Variants in TMEM108 observed in about 807,000 individuals in gnomAD.
TMEM108 encodes the protein cancer/testis antigen 124.
A neutral mutation model predicts 35.1 loss-of-function variants in TMEM108; 12 were observed. The ratio of observed to expected loss-of-function variants is 0.34; its 90% CI spans 0.22 to 0.55. The LOEUF is 0.55. Among genes scored for constraint, TMEM108 ranks in the 20% least tolerant of loss-of-function variants. TMEM108 has a pLI of 0.89. For missense variants in TMEM108, 680 were observed against 753.3 expected (o/e 0.90, Z 1.14); for synonymous variants, 287 against 308.6 (o/e 0.93, Z 0.73).
At chr3:133,107,760 G>A (rs1944172005) in intron 2 of TMEM108, among the ~76,000 whole-genome samples, 1 of 152,098 alleles carries the variant, frequency 6.6e-6, no homozygotes, top group Admixed American at 6.5e-5. Context: ...CCTGATCCTG[G>A]TCACTGAACC....
chr3:133,301,181 C>T (rs1035883384), intron 3 of TMEM108, among the ~76,000 whole-genome samples: 1 of 152,112 alleles, frequency 6.6e-6, no homozygotes, highest in African/African-American at 2.4e-5. Context: ...TGCAAGTCCG[C>T]AGTCAGTTCT....
At chr3:133,216,486 C>A (rs1354445413) in intron 2 of TMEM108, among the ~76,000 whole-genome samples, 1 of 152,028 alleles carries the variant, frequency 6.6e-6, no homozygotes, top group African/African-American at 2.4e-5. Flanking sequence ...TAGTGATTTC[C>A]AAGAATACAA....
chr3:133,129,228 G>A (rs1288281910), intron 2 of TMEM108, among the ~76,000 whole-genome samples: 8 of 151,736 alleles, frequency 5.3e-5, no homozygotes, highest in African/African-American at 1.9e-4. Context: ...CTGTAATCCC[G>A]GCTATTCAGG....
In TMEM108 at chr3:133,380,316, C is replaced by G. The variant is rs1387599112; in HGVS notation, c.605C>G (p.Pro202Arg). The change falls in exon 4 of 6, where the codon CCA becomes CGA. Residue 202 changes from proline to arginine, a missense_variant. Pro to Arg is a moderately radical substitution (Grantham distance 103, BLOSUM62 -2). This residue lies in a region of TMEM108 where 526 missense variants were observed against 532.1 expected (regional missense o/e 0.99). Coordinates refer to ENST00000321871, the MANE Select transcript of TMEM108 (RefSeq NM_023943.4). This position sits in a 1 kb window ranked among gnomAD's most constrained non-coding sequence, Gnocchi z 5.3. ...RSKEGQRGRN[P>R]SSTPLGQKRP... ...AAAGAAGGACAGCGAGGACGAAATCCAAGCTCCACACCTCTGGGGCAGAAG... is the reference window on the plus strand; with the variant it reads ...AAAGAAGGACAGCGAGGACGAAATCGAAGCTCCACACCTCTGGGGCAGAAG... The G allele has an allele frequency of 6.2e-7, 1 of 1,614,048 alleles. No homozygotes were observed. Among genetic ancestry groups the G allele is most frequent in the Admixed American group, 1.7e-5 (1 of 60,004 alleles).
At chr3:133,129,321 G>T (rs1944458102) in intron 2 of TMEM108, among the ~76,000 whole-genome samples, 1 of 151,088 alleles carries the variant, frequency 6.6e-6, no homozygotes, top group Non-Finnish European at 1.5e-5. Flanking sequence ...CTCCAGCCTG[G>T]GTGACACAGC....
chr3:133,121,213 G>C (rs1470675927), intron 2 of TMEM108, among the ~76,000 whole-genome samples: 1 of 152,168 alleles, frequency 6.6e-6, no homozygotes, highest in Non-Finnish European at 1.5e-5. Flanking sequence ...CTAAAGATGG[G>C]GGCCTCTCAA....
chr3:133,223,660 G>A (rs758812470), intron 2 of TMEM108, among the ~76,000 whole-genome samples: 10 of 152,152 alleles, frequency 6.6e-5, no homozygotes, highest in Non-Finnish European at 1.0e-4. Flanking sequence ...CAGCGCAATT[G>A]ACCCAAGAGA....
At chr3:133,211,982 A>T (rs112776561) in intron 2 of TMEM108, among the ~76,000 whole-genome samples, 2,280 of 152,218 alleles carry the variant, frequency 0.015, 76 homozygotes, top group African/African-American at 0.051. Flanking sequence ...AAGGAGCTCT[A>T]TTACAGGTGG....
At chr3:133,057,461 A>G (rs1431620202) in intron 2 of TMEM108, among the ~76,000 whole-genome samples, 1 of 43,562 alleles carries the variant, frequency 2.3e-5, no homozygotes, top group African/African-American at 6.3e-5. Context: ...ATATATATAT[A>G]TATATATATA....
At chr3:133,053,492 GA>G (rs200867580) in intron 2 of TMEM108, among the ~76,000 whole-genome samples, 116 of 152,362 alleles carry the variant, frequency 7.6e-4, no homozygotes, top group African/African-American at 2.7e-3. Flanking sequence ...AACACTTTTA[GA>G]CATCTTGCCA....
chr3:133,154,863 ATAAT>A (rs201680344), intron 2 of TMEM108, among the ~76,000 whole-genome samples: 4,385 of 151,398 alleles, frequency 0.029, 217 homozygotes, highest in African/African-American at 0.1. Flanking sequence ...AAGTATAATA[ATAAT>A]TAAAAAAAAT....
intron 2 of TMEM108, among the ~76,000 whole-genome samples, chr3:133,075,556 C>CAACA (rs1274968253): frequency 6.6e-6 from 1 of 152,170 alleles, no homozygotes; most frequent in Non-Finnish European, 1.5e-5. Context: ...TCCAGACCAT[C>CAACA]ACTAGTTTTC....
chr3:133,359,706 C>T (rs1348428911), intron 3 of TMEM108, among the ~76,000 whole-genome samples: 2 of 152,130 alleles, frequency 1.3e-5, no homozygotes, highest in Non-Finnish European at 2.9e-5. Flanking sequence ...TCAATTAATC[C>T]ATCTGTCAGT....
intron 3 of TMEM108, among the ~76,000 whole-genome samples, chr3:133,233,270 A>G (rs1335406025): frequency 6.6e-6 from 1 of 151,988 alleles, no homozygotes; most frequent in African/African-American, 2.4e-5. Flanking sequence ...ATTCCCACCT[A>G]TGAGTGAGAA....
chr3:133,080,768 C>G (rs966273448), intron 2 of TMEM108, among the ~76,000 whole-genome samples: 1 of 151,976 alleles, frequency 6.6e-6, no homozygotes, highest in East Asian at 1.9e-4. Flanking sequence ...TTCAATGTAC[C>G]CAGTGTGAAG....
At chr3:133,385,609 T>C (rs1343411414) in intron 4 of TMEM108, among the ~76,000 whole-genome samples, 1 of 152,224 alleles carries the variant, frequency 6.6e-6, no homozygotes, top group Non-Finnish European at 1.5e-5. Context: ...TTTCCCTCAC[T>C]GGTCTCAGGT....
At chr3:133,204,273 T>G (rs1318407470) in intron 2 of TMEM108, among the ~76,000 whole-genome samples, 1 of 152,014 alleles carries the variant, frequency 6.6e-6, no homozygotes, top group Non-Finnish European at 1.5e-5. Flanking sequence ...GATTTTTTTT[T>G]GAAGGGTTTT....
chr3:133,205,479 G>T (rs936611118), intron 2 of TMEM108, among the ~76,000 whole-genome samples: 1 of 152,160 alleles, frequency 6.6e-6, no homozygotes, highest in African/African-American at 2.4e-5. Flanking sequence ...TCCTTCAGGA[G>T]CTCTTGTAAG....
chr3:133,260,896 G>A (rs1946614049), intron 3 of TMEM108, among the ~76,000 whole-genome samples: 3 of 152,138 alleles, frequency 2.0e-5, no homozygotes, highest in East Asian at 1.9e-4. Context: ...AAAAGGATTC[G>A]TTCATGAATT....
Sources: gnomAD v4.1 joint callset for allele counts (sites outside exome capture counted in the v4.1 genomes callset) on GRCh38, gnomAD v4.1.1 for gene constraint, gnomAD v4.1.1 regional missense constraint, Gnocchi (gnomAD v3.1) non-coding constraint, MANE v1.5 for transcripts, NCBI Gene and HGNC (gene_info 2026-07-23, HGNC 2026-07-21) for gene names.